Variants in TENM3 observed in about 807,000 individuals in gnomAD.
TENM3 encodes teneurin-3.
Under a neutral mutation model 255.1 loss-of-function variants are expected in TENM3, and 63 were observed. The observed-to-expected ratio is 0.25, with a 90% confidence interval of 0.20 to 0.30. The LOEUF is 0.30. Among genes scored for constraint, TENM3 ranks in the 10% least tolerant of loss-of-function variants. TENM3 has a pLI of 1.00. For missense variants in TENM3, 2,929 were observed against 3,461.1 expected (o/e 0.85, Z 3.86); for synonymous variants, 1,306 against 1,322.3 (o/e 0.99, Z 0.27).
intron 3 of TENM3, among the ~76,000 whole-genome samples, chr4:182,491,536 A>G (rs1290574005): frequency 1.3e-5 from 2 of 152,170 alleles, no homozygotes; most frequent in Admixed American, 6.5e-5. Context: ...TTTTGTCAGT[A>G]TATTTCATTA....
chr4:182,476,362 G>C (rs1281905013), intron 3 of TENM3, among the ~76,000 whole-genome samples: 1 of 152,160 alleles, frequency 6.6e-6, no homozygotes, highest in Non-Finnish European at 1.5e-5. Context: ...TGGGTTTGGA[G>C]AGAAGAAAAA....
chr4:181,630,477 G>A, the TENM3 span, among the ~76,000 whole-genome samples: 27 of 152,244 alleles, frequency 1.8e-4, no homozygotes, highest in Non-Finnish European at 3.5e-4. Flanking sequence ...TGGGCATTTA[G>A]TGCTATAAAT....
At chr4:182,286,506 C>A (rs1368291847) in intron 1 of TENM3, among the ~76,000 whole-genome samples, 1 of 152,126 alleles carries the variant, frequency 6.6e-6, no homozygotes. Context: ...GCTGACGGAC[C>A]CCTCAACCCC....
intron 12 of TENM3, among the ~76,000 whole-genome samples, chr4:182,697,155 A>G (rs1326140264): frequency 1.3e-5 from 2 of 152,204 alleles, no homozygotes; most frequent in Non-Finnish European, 2.9e-5. Flanking sequence ...ACTGAAATTC[A>G]TAACAAACTG....
intron 1 of TENM3, among the ~76,000 whole-genome samples, chr4:182,204,626 T>A (rs1408882531): frequency 6.6e-6 from 1 of 152,210 alleles, no homozygotes; most frequent in African/African-American, 2.4e-5. Flanking sequence ...CAGCACATCG[T>A]GGTCTTTTCA....
chr4:182,562,659 CTCCTA>C (rs1279967663), intron 3 of TENM3, among the ~76,000 whole-genome samples: 6 of 152,154 alleles, frequency 3.9e-5, no homozygotes, highest in Non-Finnish European at 7.3e-5. Flanking sequence ...GCCACCTTTA[CTCCTA>C]TCCTATGCTA....
chr4:181,789,892 G>A, the TENM3 span, among the ~76,000 whole-genome samples: 1,086 of 152,142 alleles, frequency 7.1e-3, 11 homozygotes, highest in African/African-American at 0.025. Context: ...CCTTCACCTG[G>A]CACATCATCC....
chr4:182,749,273 G>A (rs922954927), intron 19 of TENM3, among the ~76,000 whole-genome samples: 2 of 151,938 alleles, frequency 1.3e-5, no homozygotes, highest in Admixed American at 6.6e-5. Context: ...TAATAGTTTA[G>A]GATATTATAA....
chr4:181,988,518 G>A, the TENM3 span, among the ~76,000 whole-genome samples: 8 of 152,084 alleles, frequency 5.3e-5, no homozygotes, highest in Admixed American at 1.3e-4. Context: ...CACTCTTCTT[G>A]TGGAAGATGA....
chr4:182,643,115 T>G (rs943839501), intron 5 of TENM3, among the ~76,000 whole-genome samples: 1 of 152,224 alleles, frequency 6.6e-6, no homozygotes, highest in Non-Finnish European at 1.5e-5. Context: ...CATTTTACAT[T>G]GAAAGCTTGG....
intron 1 of TENM3, among the ~76,000 whole-genome samples, chr4:182,194,863 G>A (rs910898100): frequency 2.2e-4 from 33 of 152,206 alleles, no homozygotes; most frequent in African/African-American, 7.0e-4. Flanking sequence ...GCTCCTCAGC[G>A]ACCTTTAAAG....
intron 1 of TENM3, among the ~76,000 whole-genome samples, chr4:182,202,596 C>CTGGTGGCTGCCTGTTCA (rs1352263159): frequency 6.6e-6 from 1 of 152,008 alleles, no homozygotes; most frequent in Admixed American, 6.6e-5. Context: ...TGAGCCACCA[C>CTGGTGGCTGCCTGTTCA]GCCTGGCCTG....
chr4:181,551,468 A>G, the TENM3 span, among the ~76,000 whole-genome samples: 1 of 152,144 alleles, frequency 6.6e-6, no homozygotes, highest in South Asian at 2.1e-4. Flanking sequence ...TGATCACACT[A>G]ATAATACACT....
chr4:182,736,840 A>C lies in TENM3; in HGVS notation c.3000A>C (p.Thr1000=). ...VLHEETTIPG[T]DLKLSYLSSR... ...ACGAGGAAACTACAATTCCAGGAAC[A>C]GATTTGAAACTCTCCTACTTGAGTT... is the stretch of plus-strand genomic sequence containing the variant. The change falls in exon 17 of 28, where the codon ACA becomes ACC. Residue 1000 remains threonine, a synonymous_variant. Transcript: ENST00000511685. 6.2e-7 allele frequency: 1 copy of C among 1,613,674 alleles called. No homozygotes were observed. The highest frequency in any genetic ancestry group is 8.5e-7 in the Non-Finnish European group (1 of 1,179,778).
chr4:181,884,129 G>T, the TENM3 span, among the ~76,000 whole-genome samples: 4 of 152,048 alleles, frequency 2.6e-5, no homozygotes, highest in Admixed American at 2.6e-4. Context: ...AGTTTATCTG[G>T]CAATTGGACG....
chr4:182,442,188 G>A (rs2151262482), intron 3 of TENM3, among the ~76,000 whole-genome samples: 1 of 152,138 alleles, frequency 6.6e-6, no homozygotes, highest in Non-Finnish European at 1.5e-5. Flanking sequence ...CATAAATCGT[G>A]TTCACAAAGT....
At chr4:181,900,297 A>G in the TENM3 span, among the ~76,000 whole-genome samples, 1 of 152,218 alleles carries the variant, frequency 6.6e-6, no homozygotes, top group Non-Finnish European at 1.5e-5. Flanking sequence ...AATTAAGTAA[A>G]AATATGTCAT....
chr4:181,697,881 T>C, the TENM3 span, among the ~76,000 whole-genome samples: 53 of 152,226 alleles, frequency 3.5e-4, no homozygotes, highest in African/African-American at 1.3e-3. Context: ...TGGTTTTTGC[T>C]CCTAATATCT....
rs866272204 is a variant in TENM3 at position 182,720,047 on chromosome 4, G to A, written c.2368+5814G>A. Among the ~76,000 whole-genome samples the A allele has an allele frequency of 2.3e-4, 35 of 151,992 alleles. 1 individual carries two copies. Among genetic ancestry groups the A allele is most frequent in the African/African-American group, 6.8e-4 (28 of 41,480 alleles). ...ACTGCACTCCAGGCTGGATGAAAGA[G>A]TGAGACCCTGTCTCTCACACACACA... On this transcript the variant is annotated intron_variant, in intron 13 of 27. Transcript: ENST00000511685.
Sources: allele counts gnomAD v4.1 joint callset (sites outside exome capture counted in the v4.1 genomes callset), GRCh38; gene constraint gnomAD v4.1.1; transcripts MANE v1.5; gene names NCBI Gene and HGNC (gene_info 2026-07-23, HGNC 2026-07-21).